PELI2: variants seen among roughly 807,000 people sequenced by gnomAD.
PELI2 encodes E3 ubiquitin-protein ligase pellino homolog 2.
Under a neutral mutation model 42.3 loss-of-function variants are expected in PELI2, and 23 were observed. The observed-to-expected ratio is 0.54, with a 90% CI of 0.39 to 0.77. The LOEUF (loss-of-function observed/expected upper bound fraction) is 0.77, where lower values mean the gene tolerates loss of function less well. Among genes scored for constraint, PELI2 ranks in the 30% least tolerant of loss-of-function variants. The pLI is 0.00. For synonymous variants in PELI2, 245 were observed against 212.2 expected, an observed-to-expected ratio of 1.15 and a Z score of -1.34; for missense variants, 463 against 553.2, an observed-to-expected ratio of 0.84 and a Z score of 1.64.
intron 1 of PELI2, among the ~76,000 whole-genome samples, chr14:56,145,730 A>C (rs1295250418): frequency 1.3e-5 from 2 of 152,192 alleles, no homozygotes; most frequent in Non-Finnish European, 2.9e-5. Context: ...TATGCCATGC[A>C]TTTGGGCTAC....
chr14:56,129,330 A>G lies in PELI2; in HGVS notation c.77+10593A>G, dbSNP rs1883394750. Among the ~76,000 whole-genome samples, 3 of 152,336 alleles carry G rather than the reference A, an allele frequency of 2.0e-5. No homozygotes were observed. The South Asian group carries it at 6.2e-4, about 32-fold the overall frequency. On this transcript the variant is annotated intron_variant, in intron 1 of 5. Transcript: ENST00000267460. ...CCCTGCCAAAGAACAGTTGCTCACA[A>G]TGGGCGTAGCCCCCTTCTGTGCGAT...
At chr14:56,269,444 A>G (rs1198806765) in intron 2 of PELI2, among the ~76,000 whole-genome samples, 2 of 144,390 alleles carry the variant, frequency 1.4e-5, no homozygotes, top group African/African-American at 5.2e-5. Context: ...CCCTGTCTCA[A>G]AAAAGAAAAA....
At chr14:56,155,412 T>C (rs1377924563) in intron 1 of PELI2, among the ~76,000 whole-genome samples, 2 of 152,192 alleles carry the variant, frequency 1.3e-5, no homozygotes, top group Non-Finnish European at 2.9e-5. Context: ...GAAACAATTC[T>C]TTTCTTTCAA....
intron 3 of PELI2, among the ~76,000 whole-genome samples, chr14:56,283,105 C>G (rs1321085729): frequency 6.6e-6 from 1 of 152,152 alleles, no homozygotes; most frequent in African/African-American, 2.4e-5. Context: ...TTCAGAGTTT[C>G]ATAGATATTC....
At chr14:56,250,414 A>G (rs575926366) in intron 2 of PELI2, among the ~76,000 whole-genome samples, 24 of 152,170 alleles carry the variant, frequency 1.6e-4, no homozygotes, top group African/African-American at 5.8e-4. Flanking sequence ...ACATCATCAC[A>G]AGGTGAAGTC....
At position 56,118,735 on chromosome 14, in the gene PELI2, C is replaced by T. The variant is rs1427739108; in HGVS notation, c.75C>T (p.Leu25=). The T allele has an allele frequency of 1.4e-5, 22 of 1,521,322 alleles. No homozygotes were observed. Among genetic ancestry groups the T allele is most frequent in the Non-Finnish European group, 1.9e-5 (21 of 1,132,166 alleles). The allele number at this position is 1,521,322 out of a possible 1,614,324, so 94.2% of individuals were successfully genotyped here. Residue 25 remains leucine, a splice_region_variant and synonymous_variant, in exon 1 of 6, where the codon CTC becomes CTT. Transcript: ENST00000267460. ...EPVKYGELVV[L]GYNGALPNGD... ...TGAAATACGGGGAGCTGGTGGTGCTCGGGTGAGTCCTGGGGTCCCTGGTCC... is the reference window on the plus strand; with the variant it reads ...TGAAATACGGGGAGCTGGTGGTGCTTGGGTGAGTCCTGGGGTCCCTGGTCC...
chr14:56,265,996 G>GA (rs1487228494), intron 2 of PELI2, among the ~76,000 whole-genome samples: 2 of 151,952 alleles, frequency 1.3e-5, no homozygotes, highest in East Asian at 3.9e-4. Context: ...ATAAGTGAAT[G>GA]AACAAATTGT....
At chr14:56,215,125 A>G (rs1886855776) in intron 2 of PELI2, among the ~76,000 whole-genome samples, 1 of 152,224 alleles carries the variant, frequency 6.6e-6, no homozygotes, top group African/African-American at 2.4e-5. Context: ...TATCTATGTG[A>G]CAGTCTCACT....
chr14:56,174,128 C>G (rs541749871), intron 1 of PELI2, among the ~76,000 whole-genome samples: 1 of 152,172 alleles, frequency 6.6e-6, no homozygotes, highest in African/African-American at 2.4e-5. Context: ...GTTTCGAACT[C>G]CTGACCTCAA....
At chr14:56,129,068 T>C (rs1348273625) in intron 1 of PELI2, among the ~76,000 whole-genome samples, 1 of 152,076 alleles carries the variant, frequency 6.6e-6, no homozygotes, top group East Asian at 1.9e-4. Flanking sequence ...AGAGGGCCTT[T>C]GTGATGAGAG....
chr14:56,225,026 T>A (rs960718103), intron 2 of PELI2, among the ~76,000 whole-genome samples: 6 of 152,200 alleles, frequency 3.9e-5, no homozygotes, highest in Non-Finnish European at 8.8e-5. Flanking sequence ...CACATAACTG[T>A]ATGTTCAGTG....
chr14:56,202,426 C>T (rs900260132), intron 2 of PELI2, among the ~76,000 whole-genome samples: 1 of 152,002 alleles, frequency 6.6e-6, no homozygotes, highest in Admixed American at 6.6e-5. Flanking sequence ...TTGGCCCATT[C>T]TGACTCATAG....
intron 1 of PELI2, among the ~76,000 whole-genome samples, chr14:56,131,279 A>G (rs1883472625): frequency 2.0e-5 from 3 of 152,328 alleles, no homozygotes; most frequent in African/African-American, 7.2e-5. Flanking sequence ...CAGTTGATTT[A>G]GACCCTTCTG....
chr14:56,160,997 C>T (rs1884741472), intron 1 of PELI2, among the ~76,000 whole-genome samples: 1 of 152,064 alleles, frequency 6.6e-6, no homozygotes, highest in African/African-American at 2.4e-5. Flanking sequence ...TTAAGGTTCC[C>T]TGTAGAGGTA....
At chr14:56,144,652 C>A (rs1337914830) in intron 1 of PELI2, among the ~76,000 whole-genome samples, 1 of 151,998 alleles carries the variant, frequency 6.6e-6, no homozygotes, top group Non-Finnish European at 1.5e-5. Flanking sequence ...TACAAAATTG[C>A]TAATATGATA....
intron 1 of PELI2, among the ~76,000 whole-genome samples, chr14:56,173,904 T>C (rs553507526): frequency 6.6e-6 from 1 of 152,134 alleles, no homozygotes; most frequent in Non-Finnish European, 1.5e-5. Context: ...GTGACATGGA[T>C]GTATCTTTTT....
rs1449541138 is a variant in PELI2 at position 56,129,152 on chromosome 14, T to C, written c.77+10415T>C. Among the ~76,000 whole-genome samples the C allele has an allele frequency of 2.6e-5, 4 of 152,152 alleles. No individual in the cohort carries two copies. The East Asian group carries it at 7.7e-4, about 29-fold the overall frequency. On this transcript the variant is annotated intron_variant, in intron 1 of 5. Transcript: ENST00000267460. ...AGGGGGAAGCCCTGCTAATAACATT[T>C]CAAGGCATTATTGCAGACTCTAGGT...
intron 1 of PELI2, among the ~76,000 whole-genome samples, chr14:56,175,424 C>T (rs1885336788): frequency 6.6e-6 from 1 of 152,214 alleles, no homozygotes; most frequent in South Asian, 2.1e-4. Context: ...GCCTTTCTCT[C>T]CTTCTGAGCA....
intron 2 of PELI2, among the ~76,000 whole-genome samples, chr14:56,220,433 C>T (rs1332312489): frequency 6.6e-6 from 1 of 152,074 alleles, no homozygotes; most frequent in Non-Finnish European, 1.5e-5. Flanking sequence ...TATTTTTCTT[C>T]TGAAAAATGT....
Sources: allele counts gnomAD v4.1 joint callset (sites outside exome capture counted in the v4.1 genomes callset), GRCh38; gene constraint gnomAD v4.1.1; transcripts MANE v1.5; gene names NCBI Gene and HGNC (gene_info 2026-07-23, HGNC 2026-07-21).